The following UBE2E2 variants were observed in gnomAD, a reference collection of about 807,000 sequenced individuals.
The protein encoded by UBE2E2 is ubiquitin-conjugating enzyme E2 E2.
Under a neutral mutation model 24.7 loss-of-function variants are expected in UBE2E2, and 6 were observed. That is an observed-to-expected ratio of 0.24 (90% CI 0.13 to 0.48). The LOEUF (loss-of-function observed/expected upper bound fraction) is 0.48. Among genes scored for constraint, UBE2E2 ranks in the 20% least tolerant of loss-of-function variants. The probability of loss-of-function intolerance (pLI) is 0.99; values close to 1 mark genes in which losing one functional copy is unlikely to be tolerated. For synonymous variants in UBE2E2, 104 were observed against 83.6 expected, an observed-to-expected ratio of 1.24 and a Z score of -1.33; for missense variants, 169 against 245.0, an observed-to-expected ratio of 0.69 and a Z score of 2.07.
chr3:23,583,464 A>C lies in UBE2E2; in HGVS notation c.509-6270A>C, dbSNP rs1696535484. Among the ~76,000 whole-genome samples, 4 of 152,192 alleles carry C rather than the reference A, an allele frequency of 2.6e-5. No homozygotes were observed. Among genetic ancestry groups the C allele is most frequent in the Admixed American group, 1.3e-4 (2 of 15,278 alleles). The stretch of plus-strand genomic sequence containing the variant: ...AAAATAGTTTTTTCTAGTTCTGTGA[A>C]GAATGTCATTGGTAGTTTGATAGAA... On this transcript the variant is annotated intron_variant, in intron 5 of 5. Transcript: ENST00000396703. The surrounding 1 kb of genome is among the most constrained non-coding windows in gnomAD (Gnocchi z 4.1).
At chr3:23,557,333 C>G (rs1349132276) in intron 5 of UBE2E2, among the ~76,000 whole-genome samples, 1 of 152,196 alleles carries the variant, frequency 6.6e-6, no homozygotes. Context: ...CTAAGCACTT[C>G]TATTTTACAA....
intron 3 of UBE2E2, among the ~76,000 whole-genome samples, chr3:23,450,339 C>G (rs1465472968): frequency 6.6e-6 from 1 of 152,102 alleles, no homozygotes; most frequent in Non-Finnish European, 1.5e-5. Context: ...CTACTGAGTC[C>G]TTGACGTGTG....
At chr3:23,496,248 C>G (rs1364303512) in intron 3 of UBE2E2, among the ~76,000 whole-genome samples, 1 of 152,006 alleles carries the variant, frequency 6.6e-6, no homozygotes, top group African/African-American at 2.4e-5. Flanking sequence ...CATAATTTTT[C>G]TTAATATAAG....
Position 23,489,683 on chromosome 3 carries a change from A to G in UBE2E2, c.228-9925A>G, listed in dbSNP as rs145430275. Among the ~76,000 whole-genome samples the G allele has an allele frequency of 3.7e-3, 558 of 152,308 alleles. 6 individuals are homozygous for G. Among genetic ancestry groups the G allele is most frequent in the Middle Eastern group, 6.8e-3 (2 of 294 alleles). Reference sequence around the variant, plus strand: ...CAATGGGGAGAGCCTGTAAATACACATGAAGCTTTGCTCACTCACCTGCTG... The same window carrying G: ...CAATGGGGAGAGCCTGTAAATACACGTGAAGCTTTGCTCACTCACCTGCTG... On this transcript the variant is annotated intron_variant, in intron 3 of 5. Transcript: ENST00000396703.
At chr3:23,405,510 A>G (rs1697334900) in intron 3 of UBE2E2, among the ~76,000 whole-genome samples, 1 of 152,204 alleles carries the variant, frequency 6.6e-6, no homozygotes, top group Non-Finnish European at 1.5e-5. Flanking sequence ...ATGCAGAGCT[A>G]TGACTTTTTT....
chr3:23,420,614 T>C (rs2125390567), intron 3 of UBE2E2, among the ~76,000 whole-genome samples: 1 of 152,348 alleles, frequency 6.6e-6, no homozygotes, highest in East Asian at 1.9e-4. Context: ...TGTTCATAGT[T>C]GTAACTTCTA....
At chr3:23,374,426 T>C (rs1696469828) in intron 3 of UBE2E2, among the ~76,000 whole-genome samples, 1 of 152,204 alleles carries the variant, frequency 6.6e-6, no homozygotes, top group South Asian at 2.1e-4. Flanking sequence ...GTAAGAAAAC[T>C]ATTTTCAGAC....
chr3:23,555,895 T>C (rs1318867743), intron 5 of UBE2E2, among the ~76,000 whole-genome samples: 1 of 152,056 alleles, frequency 6.6e-6, no homozygotes, highest in Admixed American at 6.6e-5. Flanking sequence ...ACTGGAAAGA[T>C]GTAGGTCAAA....
At chr3:23,224,090 G>C (rs1361977208) in intron 3 of UBE2E2, among the ~76,000 whole-genome samples, 11 of 148,302 alleles carry the variant, frequency 7.4e-5, no homozygotes, top group African/African-American at 2.7e-4. Context: ...GATGCCTCCA[G>C]CTTCATTCTT....
At chr3:23,511,071 A>G (rs538641811) in intron 4 of UBE2E2, among the ~76,000 whole-genome samples, 24 of 152,350 alleles carry the variant, frequency 1.6e-4, no homozygotes, top group Non-Finnish European at 3.4e-4. Flanking sequence ...GGCATGCCCC[A>G]TCTTGCATAG....
At chr3:23,422,210 A>G (rs955875810) in intron 3 of UBE2E2, among the ~76,000 whole-genome samples, 5 of 152,206 alleles carry the variant, frequency 3.3e-5, no homozygotes, top group African/African-American at 1.2e-4. Flanking sequence ...TTTAAGAGAA[A>G]CAATTTTCTT....
chr3:23,238,723 T>A (rs1233840725), intron 3 of UBE2E2, among the ~76,000 whole-genome samples: 1 of 152,212 alleles, frequency 6.6e-6, no homozygotes, highest in East Asian at 1.9e-4. Context: ...AATGCATTTA[T>A]GTTTCTTACA....
At chr3:23,499,581 AC>A in intron 3 of UBE2E2, 26 bp from the exon 4 acceptor site, 1 of 1,594,768 alleles carries the variant, frequency 6.3e-7, no homozygotes, top group Non-Finnish European at 8.5e-7. Context: ...ATTTCTAAGC[AC>A]ATTTCATTTG....
At chr3:23,522,623 A>G (rs1000831067) in intron 4 of UBE2E2, among the ~76,000 whole-genome samples, 4 of 152,152 alleles carry the variant, frequency 2.6e-5, no homozygotes, top group African/African-American at 9.7e-5. Flanking sequence ...ATGCCAAACA[A>G]GCATTGATTG....
chr3:23,388,456 G>A (rs1181264133), intron 3 of UBE2E2, among the ~76,000 whole-genome samples: 1 of 152,078 alleles, frequency 6.6e-6, no homozygotes, highest in Non-Finnish European at 1.5e-5. Context: ...AGAACCTTAT[G>A]ATATCTATTT....
intron 3 of UBE2E2, among the ~76,000 whole-genome samples, chr3:23,460,009 GTC>G (rs1698774436): frequency 6.6e-6 from 1 of 152,174 alleles, no homozygotes; most frequent in Non-Finnish European, 1.5e-5. Context: ...TCGAGTGCTT[GTC>G]TCTGTTTTCC....
intron 4 of UBE2E2, among the ~76,000 whole-genome samples, chr3:23,503,125 A>G (rs1395759844): frequency 1.3e-5 from 2 of 151,712 alleles, no homozygotes; most frequent in African/African-American, 4.8e-5. Context: ...TATCTTTTTA[A>G]GGTAGAAGTT....
At chr3:23,557,256 G>A (rs1695813187) in intron 5 of UBE2E2, among the ~76,000 whole-genome samples, 1 of 152,168 alleles carries the variant, frequency 6.6e-6, no homozygotes, top group African/African-American at 2.4e-5. Context: ...TAACCAATAT[G>A]GCAGGCTCAT....
intron 3 of UBE2E2, among the ~76,000 whole-genome samples, chr3:23,218,930 T>C (rs1440933381): frequency 6.6e-6 from 1 of 152,206 alleles, no homozygotes; most frequent in Non-Finnish European, 1.5e-5. Flanking sequence ...CTTAGTGACA[T>C]CATTACTAGT....
Sources: gnomAD v4.1 joint callset for allele counts (sites outside exome capture counted in the v4.1 genomes callset) on GRCh38, gnomAD v4.1.1 for gene constraint, Gnocchi (gnomAD v3.1) non-coding constraint, MANE v1.5 for transcripts, NCBI Gene and HGNC (gene_info 2026-07-23, HGNC 2026-07-21) for gene names.